Variants in MAML3 observed in about 807,000 individuals in gnomAD.
MAML3 encodes mastermind like transcriptional coactivator 3.
In MAML3, 27 loss-of-function variants were observed where a neutral mutation model predicts 101.9. The ratio of observed to expected loss-of-function variants is 0.27; its 90% CI spans 0.20 to 0.37. MAML3 has a LOEUF of 0.37. Among genes scored for constraint, MAML3 ranks in the 10% least tolerant of loss-of-function variants. The pLI, the probability that MAML3 is intolerant of heterozygous loss-of-function variation, is 1.00. For missense variants in MAML3, 1,316 were observed against 1,444.9 expected, an observed-to-expected ratio of 0.91 and a Z score of 1.45; for synonymous variants, 501 against 555.9, an observed-to-expected ratio of 0.90 and a Z score of 1.39.
chr4:140,059,623 C>A (rs1411456637), intron 1 of MAML3, among the ~76,000 whole-genome samples: 5 of 152,140 alleles, frequency 3.3e-5, no homozygotes, highest in Non-Finnish European at 5.9e-5. Context: ...AAAGGAATTA[C>A]CACATCTAGG....
In MAML3 at chr4:139,945,825, G is replaced by A. The variant is rs188716710; in HGVS notation, c.469-54858C>T. Among the ~76,000 whole-genome samples, 6 of 152,208 alleles carry A rather than the reference G, an allele frequency of 3.9e-5. No individual in the cohort carries two copies. In the East Asian group the frequency reaches 5.8e-4, roughly 15 times the overall value. On this transcript the variant is annotated intron_variant, in intron 1 of 4. Transcript: ENST00000509479. ...ATCTACCTTTCCTTGTACATCATAC[G>A]AAGGCATTTATTCAGGCAGTGGTTT...
At chr4:140,128,554 G>A (rs2111035741) in intron 1 of MAML3, among the ~76,000 whole-genome samples, 1 of 152,288 alleles carries the variant, frequency 6.6e-6, no homozygotes, top group Admixed American at 6.5e-5. Context: ...TGCAGCAGGA[G>A]TATCCTTCTA....
At chr4:140,038,474 T>G (rs901497081) in intron 1 of MAML3, among the ~76,000 whole-genome samples, 20 of 151,940 alleles carry the variant, frequency 1.3e-4, no homozygotes, top group African/African-American at 4.6e-4. Context: ...TGGCAAGGAT[T>G]ATATGTTTTC....
intron 2 of MAML3, among the ~76,000 whole-genome samples, chr4:139,800,150 C>G (rs529659352): frequency 4.6e-5 from 7 of 152,042 alleles, no homozygotes; most frequent in African/African-American, 1.7e-4. Context: ...CTTAACAACT[C>G]ATACTTAGAA....
intron 1 of MAML3, among the ~76,000 whole-genome samples, chr4:139,902,243 G>GCACGCA (rs796692406): frequency 5.0e-4 from 54 of 107,158 alleles, no homozygotes; most frequent in African/African-American, 1.2e-3. Context: ...ACGCAGGCGC[G>GCACGCA]CACGCACACG....
chr4:140,126,744 ATAAATACACCCAT>A (rs552590045), intron 1 of MAML3, among the ~76,000 whole-genome samples: 57 of 152,324 alleles, frequency 3.7e-4, no homozygotes, highest in African/African-American at 1.3e-3. Context: ...AGAATGGACC[ATAAATACACCCAT>A]TAAACGTCGC....
At chr4:139,967,003 T>G (rs1224697210) in intron 1 of MAML3, among the ~76,000 whole-genome samples, 3 of 152,172 alleles carry the variant, frequency 2.0e-5, no homozygotes, top group Non-Finnish European at 4.4e-5. Flanking sequence ...CATAGATATA[T>G]TCTGGTAAAT....
At chr4:139,771,934 T>C (rs1729990044) in intron 2 of MAML3, among the ~76,000 whole-genome samples, 3 of 136,326 alleles carry the variant, frequency 2.2e-5, no homozygotes, top group Admixed American at 2.2e-4. Context: ...AGGTCACCTC[T>C]ACTTAAAGTA....
chr4:139,781,563 C>T (rs991639242), intron 2 of MAML3, among the ~76,000 whole-genome samples: 2 of 147,830 alleles, frequency 1.4e-5, no homozygotes, highest in Non-Finnish European at 3.0e-5. Flanking sequence ...CGGCTATTTT[C>T]TCTACTAGCT....
At chr4:139,893,554 A>C (rs796944514) in intron 1 of MAML3, among the ~76,000 whole-genome samples, 4 of 152,286 alleles carry the variant, frequency 2.6e-5, no homozygotes, top group African/African-American at 9.6e-5. Flanking sequence ...AAACAATTGC[A>C]AATGGAATGA....
At chr4:139,758,238 C>T (rs1366386456) in intron 2 of MAML3, among the ~76,000 whole-genome samples, 2 of 152,190 alleles carry the variant, frequency 1.3e-5, no homozygotes, top group Non-Finnish European at 2.9e-5. Context: ...GAGGCGTCTG[C>T]ATTTCCTGAG....
intron 2 of MAML3, among the ~76,000 whole-genome samples, chr4:139,824,690 C>A (rs1731030171): frequency 6.6e-6 from 1 of 152,158 alleles, no homozygotes; most frequent in African/African-American, 2.4e-5. Context: ...CAAGACTGTT[C>A]AATAAATGAC....
chr4:139,848,258 G>A (rs541953023), intron 2 of MAML3, among the ~76,000 whole-genome samples: 1 of 152,350 alleles, frequency 6.6e-6, no homozygotes, highest in South Asian at 2.1e-4. Context: ...TGTGTGCACA[G>A]AAATGACAGC....
intron 1 of MAML3, among the ~76,000 whole-genome samples, chr4:139,933,221 A>T (rs1421048480): frequency 1.3e-5 from 2 of 152,178 alleles, no homozygotes; most frequent in Non-Finnish European, 1.5e-5. Flanking sequence ...CACATGTAAG[A>T]CAGATGATAG....
chr4:139,840,984 AC>A, intron 2 of MAML3, among the ~76,000 whole-genome samples: 1 of 152,248 alleles, frequency 6.6e-6, no homozygotes, highest in East Asian at 1.9e-4. Flanking sequence ...TCATCTGGTC[AC>A]AGTGATTGCA....
intron 2 of MAML3, among the ~76,000 whole-genome samples, chr4:139,805,108 C>A (rs188266414): frequency 1.3e-5 from 2 of 152,190 alleles, no homozygotes; most frequent in South Asian, 4.2e-4. Context: ...GATTTGTAAC[C>A]GGGAGGCGGA....
At position 139,726,711 on chromosome 4, in the gene MAML3, G is replaced by A. The variant is rs538503140; in HGVS notation, c.2332-876C>T. 2.0e-5 allele frequency among the ~76,000 whole-genome samples: 3 copies of A among 152,290 alleles called. No homozygotes were observed. The South Asian group carries it at 6.2e-4, about 32-fold the overall frequency. On this transcript the variant is annotated intron_variant, in intron 3 of 4. Coordinates refer to ENST00000509479, the MANE Select transcript of MAML3 (RefSeq NM_018717.5). The stretch of plus-strand genomic sequence containing the variant: ...AACTATTCAGCATTTACTGCTTTGA[G>A]GAAACCATGTGGGATTCCACATATA...
At chr4:139,867,124 G>A (rs1394293789) in intron 2 of MAML3, among the ~76,000 whole-genome samples, 1 of 152,220 alleles carries the variant, frequency 6.6e-6, no homozygotes, top group Non-Finnish European at 1.5e-5. Context: ...TACTGGGAAA[G>A]TTGCAATGGG....
chr4:140,123,168 A>C (rs1197566644), intron 1 of MAML3, among the ~76,000 whole-genome samples: 1 of 150,318 alleles, frequency 6.7e-6, no homozygotes, highest in Non-Finnish European at 1.5e-5. Flanking sequence ...ATTTCAGACC[A>C]CAGCTACTTT....
Sources: allele counts gnomAD v4.1 joint callset (sites outside exome capture counted in the v4.1 genomes callset), GRCh38; gene constraint gnomAD v4.1.1; transcripts MANE v1.5; gene names NCBI Gene and HGNC (gene_info 2026-07-23, HGNC 2026-07-21).